The following GPR137B variants were observed in gnomAD, a reference collection of about 807,000 sequenced individuals.
The protein encoded by GPR137B is integral membrane protein GPR137B.
GPR137B carries 42 observed loss-of-function variants against 42.5 expected under a neutral mutation model. That is an observed-to-expected ratio of 0.99 (90% CI 0.77 to 1.28). GPR137B has a LOEUF of 1.28. Ranked by LOEUF, GPR137B falls within the 50% of genes most tolerant of loss-of-function variation. The pLI, the probability that GPR137B is intolerant of heterozygous loss-of-function variation, is 0.00. For missense variants in GPR137B, 487 were observed against 493.9 expected (o/e 0.99, Z 0.13); for synonymous variants, 218 against 209.7 (o/e 1.04, Z -0.34).
chr1:236,158,231 C>G (rs1662089240), intron 1 of GPR137B, among the ~76,000 whole-genome samples: 1 of 152,174 alleles, frequency 6.6e-6, no homozygotes, highest in African/African-American at 2.4e-5. Flanking sequence ...CAAGACCAAC[C>G]TGGCCAAAAT....
chr1:236,177,702 C>T (rs1469624246), intron 2 of GPR137B, among the ~76,000 whole-genome samples: 2 of 152,028 alleles, frequency 1.3e-5, no homozygotes, highest in East Asian at 1.9e-4. Flanking sequence ...ATTACAAGTG[C>T]GTGCCACCAC....
chr1:236,208,014 T>C (rs746136491), intron 6 of GPR137B, 36 bp from the exon 7 acceptor site: 8 of 1,483,842 alleles, frequency 5.4e-6, no homozygotes, highest in Admixed American at 3.4e-5. Flanking sequence ...TACTATATAA[T>C]GTTTCAAGTC....
intron 3 of GPR137B, 66 bp downstream of exon 3, chr1:236,178,702 A>G (rs1662766881): frequency 1.2e-5 from 13 of 1,047,394 alleles, no homozygotes; most frequent in South Asian, 9.2e-5. Context: ...CCTGGTTTGC[A>G]AAAGTACATT....
intron 1 of GPR137B, among the ~76,000 whole-genome samples, chr1:236,149,049 C>A (rs769541493): frequency 6.6e-6 from 1 of 152,186 alleles, no homozygotes; most frequent in Admixed American, 6.5e-5. Flanking sequence ...AGTTGAGATT[C>A]TCACTGTGTG....
intron 5 of GPR137B, among the ~76,000 whole-genome samples, chr1:236,203,859 T>C (rs2102926953): frequency 6.6e-6 from 1 of 152,370 alleles, no homozygotes; most frequent in South Asian, 2.1e-4. Context: ...CTGAATTTAT[T>C]AGTTCTCATA....
intron 5 of GPR137B, among the ~76,000 whole-genome samples, chr1:236,195,787 A>C (rs1026144423): frequency 1.3e-5 from 2 of 152,290 alleles, no homozygotes; most frequent in African/African-American, 2.4e-5. Flanking sequence ...TTTAGATATA[A>C]GCGATTATAA....
At chr1:236,157,065 C>G (rs1026101369) in intron 1 of GPR137B, among the ~76,000 whole-genome samples, 1 of 152,082 alleles carries the variant, frequency 6.6e-6, no homozygotes. Context: ...TCTATTAATT[C>G]ACCAAATGCT....
At chr1:236,160,507 C>T (rs1662156625) in intron 1 of GPR137B, among the ~76,000 whole-genome samples, 1 of 152,156 alleles carries the variant, frequency 6.6e-6, no homozygotes, top group Admixed American at 6.5e-5. Flanking sequence ...CCTGCCTCTC[C>T]CTGTCTGCCC....
At chr1:236,187,186 GT>G (rs1558491808) in intron 5 of GPR137B, among the ~76,000 whole-genome samples, 1 of 151,820 alleles carries the variant, frequency 6.6e-6, no homozygotes. Flanking sequence ...TGATGGGGTT[GT>G]TTTTTTCCTG....
intron 5 of GPR137B, among the ~76,000 whole-genome samples, chr1:236,194,393 C>T (rs1282474645): frequency 3.3e-5 from 5 of 152,074 alleles, no homozygotes; most frequent in African/African-American, 1.2e-4. Flanking sequence ...GCGCGTGGCT[C>T]ATAGGTATTC....
chr1:236,187,720 T>C (rs1172230092), intron 5 of GPR137B, among the ~76,000 whole-genome samples: 1 of 136,792 alleles, frequency 7.3e-6, no homozygotes, highest in African/African-American at 2.7e-5. Context: ...CCATGCTGTT[T>C]TGGTTACTGT....
chr1:236,192,547 C>T (rs1327093175), intron 5 of GPR137B, among the ~76,000 whole-genome samples: 1 of 152,108 alleles, frequency 6.6e-6, no homozygotes, highest in Non-Finnish European at 1.5e-5. Flanking sequence ...CCGGAGTGCA[C>T]AGTTCCTCAG....
chr1:236,181,466 A>G (rs763245266), intron 4 of GPR137B, among the ~76,000 whole-genome samples: 15 of 152,236 alleles, frequency 9.9e-5, no homozygotes, highest in Non-Finnish European at 1.8e-4. Context: ...AGCCATTAAC[A>G]ATAAAGAAAT....
intron 6 of GPR137B, 47 bp from the exon 7 acceptor site, chr1:236,208,003 A>T (rs749061401): frequency 1.5e-6 from 2 of 1,360,876 alleles, no homozygotes; most frequent in Non-Finnish European, 2.1e-6. Flanking sequence ...TATGTCATAC[A>T]TACTATATAA....
Position 236,183,791 on chromosome 1 carries a change from A to G in GPR137B, c.851A>G (p.Asn284Ser). ...YNVSDQADLK[N>S]QLGDAGYVLF... The stretch of plus-strand genomic sequence containing the variant: ...TGTTTCTAACAGGCAGATTTGAAGA[A>G]TCAGCTGGGAGATGCTGGATACGTA... Residue 284 changes from asparagine (N) to serine (S), a missense_variant, in exon 5 of 7, where the codon AAT becomes AGT. Asn to Ser is a conservative substitution (Grantham distance 46). Coordinates refer to ENST00000366592, the MANE Select transcript of GPR137B (RefSeq NM_003272.4). 2 of 1,607,764 alleles carry G rather than the reference A, an allele frequency of 1.2e-6. No homozygotes were observed. Among genetic ancestry groups the G allele is most frequent in the African/African-American group, 2.7e-5 (2 of 74,882 alleles).
In GPR137B at chr1:236,208,439, G is replaced by T; in HGVS notation, c.*281G>T. 1 of 948,966 alleles carries T rather than the reference G, an allele frequency of 1.1e-6. No homozygotes were observed. Among genetic ancestry groups the T allele is most frequent in the Non-Finnish European group, 1.3e-6 (1 of 753,306 alleles). The allele number at this position is 948,966 out of a possible 1,614,324, so 58.8% of individuals were successfully genotyped here. A position where few individuals can be genotyped will look rare whatever the true frequency, so the allele number is the denominator to read the frequency against. On this transcript the variant is annotated 3_prime_UTR_variant, in exon 7 of 7. Transcript: ENST00000366592. ...TATTTTGTATAACTTAAATAATAAT[G>T]CTAAAGTATACTAGGGTTTTTTTTT...
rs917747432 is a variant in GPR137B, at chr1:236,155,363, T to C, written c.414+12327T>C. 6.6e-6 allele frequency among the ~76,000 whole-genome samples: 1 copy of C among 152,188 alleles called. No homozygotes were observed. ...AGACACTGAGGCCTAGAAAGGTCGATGGAGCTAACCAGGAACCAACAAAGT... is the reference window on the plus strand; with the variant it reads ...AGACACTGAGGCCTAGAAAGGTCGACGGAGCTAACCAGGAACCAACAAAGT... On this transcript the variant is annotated intron_variant, in intron 1 of 6. Transcript: ENST00000366592. The surrounding 1 kb of genome is among the most constrained non-coding windows in gnomAD (Gnocchi z 4.6).
intron 2 of GPR137B, among the ~76,000 whole-genome samples, chr1:236,175,918 C>G (rs547012332): frequency 2.4e-4 from 37 of 152,320 alleles, no homozygotes; most frequent in African/African-American, 8.9e-4. Flanking sequence ...GGCTTTACAA[C>G]AGGTTCCAGG....
At chr1:236,164,219 A>G (rs1423738825) in intron 1 of GPR137B, among the ~76,000 whole-genome samples, 1 of 152,242 alleles carries the variant, frequency 6.6e-6, no homozygotes, top group Admixed American at 6.5e-5. Context: ...ATGCAGACTC[A>G]GTGCTGAGTA....
Sources: allele counts gnomAD v4.1 joint callset (sites outside exome capture counted in the v4.1 genomes callset), GRCh38; gene constraint gnomAD v4.1.1; non-coding constraint Gnocchi (gnomAD v3.1); transcripts MANE v1.5; gene names NCBI Gene and HGNC (gene_info 2026-07-23, HGNC 2026-07-21).